The following NFAM1 variants were observed in gnomAD, a reference collection of about 807,000 sequenced individuals.
NFAM1 encodes NFAT activating protein with ITAM motif 1.
Under a neutral mutation model 29.0 loss-of-function variants are expected in NFAM1, and 17 were observed. The ratio of observed to expected loss-of-function variants is 0.59; its 90% CI spans 0.40 to 0.88. The LOEUF (loss-of-function observed/expected upper bound fraction) is 0.88. Ranked by LOEUF, NFAM1 falls within the 40% of genes least tolerant of loss-of-function variation. NFAM1 has a pLI of 0.00. For missense variants in NFAM1, 324 were observed against 344.6 expected, an observed-to-expected ratio of 0.94 and a Z score of 0.47; for synonymous variants, 175 against 147.2, an observed-to-expected ratio of 1.19 and a Z score of -1.36.
rs545125973 is a variant in NFAM1, at chr22:42,401,449, G to A, written c.565-3493C>T. 6.6e-5 allele frequency among the ~76,000 whole-genome samples: 10 copies of A among 152,224 alleles called. No homozygotes were observed. In the East Asian group the frequency reaches 9.7e-4, roughly 15 times the overall value. Reference sequence around the variant, plus strand: ...AACCTCCCTCTGCTGCCACAGATGCGGGGTGGACTGTAGGTTGGGGCTGGC... The same window carrying A: ...AACCTCCCTCTGCTGCCACAGATGCAGGGTGGACTGTAGGTTGGGGCTGGC... On this transcript the variant is annotated intron_variant, in intron 3 of 5. Transcript: ENST00000329021.
At chr22:42,420,881 G>A (rs1033807531) in intron 1 of NFAM1, among the ~76,000 whole-genome samples, 1 of 152,158 alleles carries the variant, frequency 6.6e-6, no homozygotes, top group African/African-American at 2.4e-5. Flanking sequence ...CCTTAAACTT[G>A]GGTCATCTAA....
At chr22:42,433,552 G>A (rs1286995882), upstream of NFAM1, among the ~76,000 whole-genome samples, 4 of 152,122 alleles carry the variant, frequency 2.6e-5, no homozygotes, top group East Asian at 1.9e-4. Flanking sequence ...CCCCGGTGAC[G>A]GCATCATGAG....
chr22:42,410,158 T>A (rs1292886120), intron 2 of NFAM1: 1 of 171,386 alleles, frequency 5.8e-6, no homozygotes, highest in East Asian at 1.9e-4. Context: ...TCCTTCAACC[T>A]CATCCAAGTC....
At chr22:42,396,739 C>G (rs2147096599) in intron 4 of NFAM1, among the ~76,000 whole-genome samples, 1 of 152,348 alleles carries the variant, frequency 6.6e-6, no homozygotes, top group South Asian at 2.1e-4. Flanking sequence ...CCACTTGGAA[C>G]TGTTGGCACT....
chr22:42,413,611 A>C (rs1342195313), intron 1 of NFAM1, among the ~76,000 whole-genome samples: 2 of 152,048 alleles, frequency 1.3e-5, no homozygotes, highest in African/African-American at 4.8e-5. Context: ...CCCCGCCTCT[A>C]CTAAAAATAC....
At chr22:42,415,136 G>A (rs1569233249) in intron 1 of NFAM1, among the ~76,000 whole-genome samples, 1 of 151,962 alleles carries the variant, frequency 6.6e-6, no homozygotes, top group Non-Finnish European at 1.5e-5. Context: ...CGTCTCTGAC[G>A]AGCTCAGTCA....
intron 3 of NFAM1, among the ~76,000 whole-genome samples, chr22:42,399,119 A>G (rs1929634418): frequency 6.6e-6 from 1 of 152,178 alleles, no homozygotes; most frequent in Non-Finnish European, 1.5e-5. Flanking sequence ...GCAGGTGCCA[A>G]GGCCTGGAGG....
At chr22:42,402,488 C>T (rs974482996) in intron 3 of NFAM1, among the ~76,000 whole-genome samples, 4 of 152,106 alleles carry the variant, frequency 2.6e-5, no homozygotes, top group Admixed American at 6.5e-5. Flanking sequence ...GGAAGGGGCC[C>T]GGGATGTGCC....
In NFAM1 at chr22:42,419,152, A is replaced by G. The variant is rs1337065679; in HGVS notation, c.122-7416T>C. On this transcript the variant is annotated intron_variant, in intron 1 of 5. Coordinates refer to ENST00000329021, the MANE Select transcript of NFAM1 (RefSeq NM_145912.8). The surrounding 1 kb of genome is among the most constrained non-coding windows in gnomAD (Gnocchi z 4.5). ...CCACGTGTTTGTGTGCCCACCTGGC[A>G]GCTTTCCTGTGGATCACTGATGTTC... Among the ~76,000 whole-genome samples the G allele has an allele frequency of 6.6e-6, 1 of 152,104 alleles. No homozygotes were observed. The highest frequency in any genetic ancestry group is 1.5e-5 in the Non-Finnish European group (1 of 68,006).
chr22:42,380,634 G>A lies in NFAM1; in HGVS notation c.*4527C>T, dbSNP rs1443252971. On this transcript the variant is annotated 3_prime_UTR_variant, in exon 6 of 6. Transcript: ENST00000329021. ...GACATCCCCTGGCATTGCAAGGAAT[G>A]GAGTGACGCCACTCAGCCTGGCTGG... 1 of 152,668 alleles carries A rather than the reference G, an allele frequency of 6.6e-6. No individual in the cohort carries two copies. 9.5% of individuals were successfully genotyped at this position (152,668 alleles called of 1,614,324 possible).
chr22:42,395,751 C>T (rs1457673180), intron 4 of NFAM1, among the ~76,000 whole-genome samples: 10 of 150,926 alleles, frequency 6.6e-5, no homozygotes, highest in South Asian at 2.1e-4. Flanking sequence ...GGCGCAGTGG[C>T]GGGCACCTGT....
intron 2 of NFAM1, among the ~76,000 whole-genome samples, chr22:42,410,774 C>T (rs776006257): frequency 5.3e-5 from 8 of 152,104 alleles, no homozygotes; most frequent in Non-Finnish European, 1.0e-4. Flanking sequence ...CATACATGCA[C>T]ATACCTAGTT....
In NFAM1 at chr22:42,419,244, C is replaced by T. The variant is rs1261585044; in HGVS notation, c.122-7508G>A. 6.6e-6 allele frequency among the ~76,000 whole-genome samples: 1 copy of T among 152,128 alleles called. No individual in the cohort carries two copies. The highest frequency in any genetic ancestry group is 1.5e-5 in the Non-Finnish European group (1 of 68,012). On this transcript the variant is annotated intron_variant, in intron 1 of 5. Coordinates refer to ENST00000329021, the MANE Select transcript of NFAM1 (RefSeq NM_145912.8). The surrounding 1 kb of genome is among the most constrained non-coding windows in gnomAD (Gnocchi z 4.5). The stretch of plus-strand genomic sequence containing the variant: ...TCCAACTCAACAGCTCCCATCCAGT[C>T]CCCTCTCCTGCCCAACCAGGGCTGT...
intron 3 of NFAM1, among the ~76,000 whole-genome samples, chr22:42,398,985 G>A (rs1186439004): frequency 2.6e-5 from 4 of 152,294 alleles, no homozygotes; most frequent in Non-Finnish European, 5.9e-5. Flanking sequence ...CAGGCACAGA[G>A]CCTCTGGCAC....
chr22:42,405,823 G>A (rs1345367714), intron 3 of NFAM1, among the ~76,000 whole-genome samples: 1 of 152,200 alleles, frequency 6.6e-6, no homozygotes, highest in Non-Finnish European at 1.5e-5. Context: ...CAAGGTCAAA[G>A]TAGGACCATT....
intron 4 of NFAM1, among the ~76,000 whole-genome samples, chr22:42,397,346 G>A (rs1162443048): frequency 6.6e-6 from 1 of 152,278 alleles, no homozygotes; most frequent in Non-Finnish European, 1.5e-5. Context: ...GGGTCCCAAC[G>A]CATGTCTGCG....
At position 42,393,973 on chromosome 22, in the gene NFAM1, T is replaced by C. The variant is rs112696052; in HGVS notation, c.663+3885A>G. 7.8e-3 allele frequency among the ~76,000 whole-genome samples: 1,187 copies of C among 152,286 alleles called. 8 individuals are homozygous for C. The highest frequency in any genetic ancestry group is 0.012 in the Non-Finnish European group (819 of 68,022). Reference sequence around the variant, plus strand: ...CATGCCTGGTTGAATGAGTATTCCATATATGTCAATTAGGCCAAGTTTGTT... The same window carrying C: ...CATGCCTGGTTGAATGAGTATTCCACATATGTCAATTAGGCCAAGTTTGTT... On this transcript the variant is annotated intron_variant, in intron 4 of 5. Coordinates refer to ENST00000329021, the MANE Select transcript of NFAM1 (RefSeq NM_145912.8).
chr22:42,420,905 C>A (rs201521916), intron 1 of NFAM1, among the ~76,000 whole-genome samples: 1 of 152,148 alleles, frequency 6.6e-6, no homozygotes, highest in Non-Finnish European at 1.5e-5. Context: ...GTAGACAGGG[C>A]CAGCAATAGG....
chr22:42,415,294 C>CT (rs398037250), intron 1 of NFAM1, among the ~76,000 whole-genome samples: 1,984 of 94,750 alleles, frequency 0.021, 41 homozygotes, highest in African/African-American at 0.046. Context: ...TTCTTTCTTT[C>CT]TTTTTTTTTT....
Sources: gnomAD v4.1 joint callset for allele counts (sites outside exome capture counted in the v4.1 genomes callset) on GRCh38, gnomAD v4.1.1 for gene constraint, Gnocchi (gnomAD v3.1) non-coding constraint, MANE v1.5 for transcripts, NCBI Gene and HGNC (gene_info 2026-07-23, HGNC 2026-07-21) for gene names.